STYX: variants seen among roughly 807,000 people sequenced by gnomAD.
The protein encoded by STYX is serine/threonine/tyrosine interacting protein.
In STYX, 20 loss-of-function variants were observed where a neutral mutation model predicts 42.7. That is an observed-to-expected ratio of 0.47 (90% CI 0.33 to 0.68). The LOEUF is 0.68. Among genes scored for constraint, STYX ranks in the 30% least tolerant of loss-of-function variants. The pLI, the probability that STYX is intolerant of heterozygous loss-of-function variation, is 0.02. For missense variants in STYX, 226 were observed against 268.5 expected (o/e 0.84, Z 1.11); for synonymous variants, 78 against 81.9 (o/e 0.95, Z 0.26).
chr14:52,741,229 TA>T (rs201796050), intron 1 of STYX, among the ~76,000 whole-genome samples: 1,388 of 47,756 alleles, frequency 0.029, 23 homozygotes, highest in African/African-American at 0.098. Flanking sequence ...TATATATATA[TA>T]TTTTTTTTTT....
At chr14:52,730,782 G>C (rs919700061) in intron 1 of STYX, among the ~76,000 whole-genome samples, 3 of 152,238 alleles carry the variant, frequency 2.0e-5, no homozygotes, top group African/African-American at 7.2e-5. Flanking sequence ...TTAGTCCCTA[G>C]GCTTGGCATC....
chr14:52,774,467 T>C lies in STYX; in HGVS notation c.*3361T>C, dbSNP rs1882641075. On this transcript the variant is annotated 3_prime_UTR_variant, in exon 11 of 11. Coordinates refer to ENST00000354586, the MANE Select transcript of STYX (RefSeq NM_145251.4). ...ACAAACATAGCTTCACCTCAGTATT[T>C]TCTTTCTTTCTTTGTTCAACAGTGC... 1 of 152,050 alleles carries C rather than the reference T, an allele frequency of 6.6e-6. No individual in the cohort carries two copies. Among genetic ancestry groups the C allele is most frequent in the Non-Finnish European group, 1.5e-5 (1 of 67,976 alleles). The allele number at this position is 152,050 out of a possible 1,614,324, so 9.4% of individuals were successfully genotyped here. A position where few individuals can be genotyped will look rare whatever the true frequency, so the allele number is the denominator to read the frequency against.
chr14:52,736,248 G>A (rs1880945001), intron 1 of STYX, among the ~76,000 whole-genome samples: 1 of 152,172 alleles, frequency 6.6e-6, no homozygotes, highest in African/African-American at 2.4e-5. Context: ...AGCTTTTCCT[G>A]TTTGCCAGTT....
At chr14:52,730,778 C>T (rs1880667225) in intron 1 of STYX, among the ~76,000 whole-genome samples, 1 of 152,208 alleles carries the variant, frequency 6.6e-6, no homozygotes, top group African/African-American at 2.4e-5. Context: ...TCCCTTAGTC[C>T]CTAGGCTTGG....
At chr14:52,754,668 A>G (rs1276785585) in intron 4 of STYX, among the ~76,000 whole-genome samples, 1 of 152,204 alleles carries the variant, frequency 6.6e-6, no homozygotes, top group Non-Finnish European at 1.5e-5. Context: ...ATGTGTATTT[A>G]CGTATATATG....
Position 52,771,568 on chromosome 14 carries a change from T to C in STYX, c.*462T>C, listed in dbSNP as rs2139944128. 1.3e-5 allele frequency: 2 copies of C among 152,764 alleles called. No homozygotes were observed. Among genetic ancestry groups the C allele is most frequent in the Middle Eastern group, 3.4e-3 (1 of 294 alleles). The allele number at this position is 152,764 out of a possible 1,614,324, so 9.5% of individuals were successfully genotyped here. On this transcript the variant is annotated 3_prime_UTR_variant, in exon 11 of 11. Coordinates refer to ENST00000354586, the MANE Select transcript of STYX (RefSeq NM_145251.4). The stretch of plus-strand genomic sequence containing the variant: ...TGTTCTATATATTACATTTTTAACA[T>C]AATTTTACAGTTCAATTTTATGATG...
Position 52,744,781 on chromosome 14 carries a change from C to G in STYX, c.58-71C>G. 4 of 1,412,198 alleles carry G rather than the reference C, an allele frequency of 2.8e-6. No homozygotes were observed. In the South Asian group the frequency reaches 4.7e-5, roughly 17 times the overall value. The allele number at this position is 1,412,198 out of a possible 1,614,324, so 87.5% of individuals were successfully genotyped here. A position where few individuals can be genotyped will look rare whatever the true frequency, so the allele number is the denominator to read the frequency against. ...TTAAAAAATCTACATACTTGTGTGT[C>G]ACATCTTTAGCCTTTAATTGGGTGA... On this transcript the variant is annotated intron_variant, in intron 1 of 10. Coordinates refer to ENST00000354586, the MANE Select transcript of STYX (RefSeq NM_145251.4).
intron 5 of STYX, 61 bp downstream of exon 5, chr14:52,756,672 G>C: frequency 4.7e-6 from 1 of 211,916 alleles, no homozygotes; most frequent in South Asian, 7.9e-5. Context: ...CTTCTTAGTT[G>C]TGCTTTTTTT....
chr14:52,754,261 G>A (rs1881761137), intron 4 of STYX, among the ~76,000 whole-genome samples: 1 of 151,306 alleles, frequency 6.6e-6, no homozygotes, highest in African/African-American at 2.4e-5. Flanking sequence ...TGCCCAGCCT[G>A]GATTGCATTG....
rs183327848 is a variant in STYX at position 52,772,758 on chromosome 14, G to T, written c.*1652G>T. On this transcript the variant is annotated 3_prime_UTR_variant, in exon 11 of 11. Coordinates refer to ENST00000354586, the MANE Select transcript of STYX (RefSeq NM_145251.4). The stretch of plus-strand genomic sequence containing the variant: ...GAGATTAATTAAAATTGTTAATTAA[G>T]AGTTAATTCCTATTGACCCAGGTGA... 1 of 152,518 alleles carries T rather than the reference G, an allele frequency of 6.6e-6. No homozygotes were observed. Among genetic ancestry groups the T allele is most frequent in the Admixed American group, 6.6e-5 (1 of 15,264 alleles). 9.4% of individuals were successfully genotyped at this position (152,518 alleles called of 1,614,324 possible).
intron 1 of STYX, among the ~76,000 whole-genome samples, chr14:52,740,292 A>G (rs947241377): frequency 6.6e-6 from 1 of 152,254 alleles, no homozygotes; most frequent in Non-Finnish European, 1.5e-5. Flanking sequence ...AAAAGAAAAA[A>G]AAAGTATCTA....
chr14:52,743,458 G>C (rs374017021), intron 1 of STYX, among the ~76,000 whole-genome samples: 1 of 151,996 alleles, frequency 6.6e-6, no homozygotes, highest in Non-Finnish European at 1.5e-5. Flanking sequence ...GTGGGTGCCT[G>C]TAGTCCCAGC....
In STYX at chr14:52,755,621, T is replaced by C. The variant is rs1201986214; in HGVS notation, c.243-930T>C. Among the ~76,000 whole-genome samples the C allele has an allele frequency of 2.0e-5, 3 of 152,298 alleles. No homozygotes were observed. In the East Asian group the frequency reaches 5.8e-4, roughly 29 times the overall value. ...TTTTTTACAAAAATAAGCTAACATA[T>C]TTAAAATGCCTTTTAAGTATTTTGT... On this transcript the variant is annotated intron_variant, in intron 4 of 10. Transcript: ENST00000354586.
Position 52,730,290 on chromosome 14 carries a change from TCGC to T in STYX, c.-175_-173del. ...CGCCCGACCCTCCTCTTCCCTGTCT[TCGC>T]CGCCGCCGCTGCTGGAGTCACTGGG... On this transcript the variant is annotated 5_prime_UTR_variant, in exon 1 of 11. Coordinates refer to ENST00000354586, the MANE Select transcript of STYX (RefSeq NM_145251.4). 8.1e-6 allele frequency: 5 copies of T among 615,726 alleles called. No individual in the cohort carries two copies. Among genetic ancestry groups the T allele is most frequent in the Admixed American group, 2.8e-5 (1 of 35,096 alleles). 38.1% of individuals were successfully genotyped at this position (615,726 alleles called of 1,614,324 possible).
intron 1 of STYX, among the ~76,000 whole-genome samples, chr14:52,731,029 A>G (rs1594859351): frequency 1.3e-5 from 2 of 152,244 alleles, no homozygotes; most frequent in South Asian, 4.1e-4. Flanking sequence ...AGTGTCTCAA[A>G]GCTAGCTCAT....
intron 4 of STYX, among the ~76,000 whole-genome samples, chr14:52,751,681 A>G (rs11625099): frequency 0.36 from 55,160 of 152,026 alleles, 10,365 homozygotes; most frequent in South Asian, 0.41. Context: ...TGAGCATGTA[A>G]TGGTTTTTAA....
At chr14:52,730,877 C>G (rs1880671265) in intron 1 of STYX, among the ~76,000 whole-genome samples, 1 of 152,222 alleles carries the variant, frequency 6.6e-6, no homozygotes, top group South Asian at 2.1e-4. Flanking sequence ...TGAGGAATAT[C>G]TGTGGTGTAA....
intron 9 of STYX, among the ~76,000 whole-genome samples, chr14:52,764,842 T>C (rs1003801803): frequency 4.6e-5 from 7 of 151,956 alleles, no homozygotes; most frequent in African/African-American, 1.7e-4. Flanking sequence ...CTAATTTTTG[T>C]ATTTTTGGTA....
chr14:52,763,443 A>T (rs563915306), intron 9 of STYX, among the ~76,000 whole-genome samples: 1 of 151,942 alleles, frequency 6.6e-6, no homozygotes, highest in South Asian at 2.1e-4. Flanking sequence ...TGAGTTGAAA[A>T]CTTGGTTTCT....
Sources: gnomAD v4.1 joint callset for allele counts (sites outside exome capture counted in the v4.1 genomes callset) on GRCh38, gnomAD v4.1.1 for gene constraint, MANE v1.5 for transcripts, NCBI Gene and HGNC (gene_info 2026-07-23, HGNC 2026-07-21) for gene names.